The following PSD3 variants were observed in gnomAD, a reference collection of about 807,000 sequenced individuals.
PSD3 encodes the protein PH and SEC7 domain-containing protein 3.
In PSD3, 49 loss-of-function variants were observed where a neutral mutation model predicts 105.5. The ratio of observed to expected loss-of-function variants is 0.46; its 90% CI spans 0.37 to 0.59. The LOEUF is 0.59. Among genes scored for constraint, PSD3 ranks in the 20% least tolerant of loss-of-function variants. The probability of loss-of-function intolerance (pLI) is 0.00; values close to 1 mark genes in which losing one functional copy is unlikely to be tolerated. For missense variants in PSD3, 1,561 were observed against 1,263.8 expected (o/e 1.24, Z -3.57); for synonymous variants, 557 against 457.8 (o/e 1.22, Z -2.77).
chr8:19,020,524 T>A (rs1306076828), intron 1 of PSD3, among the ~76,000 whole-genome samples: 1 of 151,768 alleles, frequency 6.6e-6, no homozygotes, highest in Non-Finnish European at 1.5e-5. Flanking sequence ...ACCTTATAGG[T>A]TGTTGTAAAG....
intron 9 of PSD3, among the ~76,000 whole-genome samples, chr8:18,722,988 A>T (rs1040971319): frequency 3.3e-5 from 5 of 152,236 alleles, no homozygotes; most frequent in African/African-American, 1.2e-4. Context: ...AACCATTAAG[A>T]TGAAGAACAT....
At chr8:18,564,862 A>C (rs542733464) in intron 14 of PSD3, among the ~76,000 whole-genome samples, 4 of 152,276 alleles carry the variant, frequency 2.6e-5, no homozygotes, top group East Asian at 3.9e-4. Flanking sequence ...GTGAGAATCA[A>C]GCATAGGACT....
In PSD3 at chr8:18,853,623, G is replaced by C. The variant is rs151250155; in HGVS notation, c.1634+14051C>G. Among the ~76,000 whole-genome samples, 335 of 152,248 alleles carry C rather than the reference G, an allele frequency of 2.2e-3. 1 individual carries two copies. The highest frequency in any genetic ancestry group is 3.7e-3 in the Non-Finnish European group (251 of 68,010). On this transcript the variant is annotated intron_variant, in intron 4 of 15. Coordinates refer to ENST00000327040, the MANE Select transcript of PSD3 (RefSeq NM_015310.4). ...TCAGTAAAACGTTGAATTCTAAGGT[G>C]AATCACCTTTCCATACTAACAGCAC...
At chr8:18,595,478 G>A (rs1419027604) in intron 12 of PSD3, among the ~76,000 whole-genome samples, 1 of 145,146 alleles carries the variant, frequency 6.9e-6, no homozygotes, top group East Asian at 2.0e-4. Context: ...CAGACGGAGG[G>A]AGGGACAGAT....
chr8:18,725,003 G>A (rs1338595633), intron 9 of PSD3, among the ~76,000 whole-genome samples: 2 of 152,162 alleles, frequency 1.3e-5, no homozygotes, highest in African/African-American at 2.4e-5. Context: ...AAGACAAAGT[G>A]AACAGAATTC....
intron 1 of PSD3, among the ~76,000 whole-genome samples, chr8:19,011,655 T>C (rs997286005): frequency 1.3e-5 from 2 of 152,162 alleles, no homozygotes; most frequent in African/African-American, 4.8e-5. Flanking sequence ...TTAAGTGCAA[T>C]GTACATAATA....
chr8:18,937,809 C>T (rs1438213476), intron 1 of PSD3, among the ~76,000 whole-genome samples: 4 of 152,104 alleles, frequency 2.6e-5, no homozygotes, highest in Non-Finnish European at 4.4e-5. Flanking sequence ...CGTAAGGTGC[C>T]CTAATTTGGG....
chr8:18,563,761 G>T (rs933285658), intron 14 of PSD3, among the ~76,000 whole-genome samples: 1 of 152,090 alleles, frequency 6.6e-6, no homozygotes. Context: ...AACAATTAAG[G>T]CCACATCAAA....
chr8:18,731,454 C>T (rs538400301), intron 9 of PSD3, among the ~76,000 whole-genome samples: 8 of 152,158 alleles, frequency 5.3e-5, no homozygotes, highest in African/African-American at 1.9e-4. Context: ...CCTCTTTTAT[C>T]TATTTGATAC....
At chr8:18,891,681 T>A (rs989212622) in intron 2 of PSD3, among the ~76,000 whole-genome samples, 2 of 152,112 alleles carry the variant, frequency 1.3e-5, no homozygotes, top group Non-Finnish European at 2.9e-5. Flanking sequence ...TTTCTCCCTC[T>A]TTTTACCCTG....
At chr8:18,585,228 G>A (rs1246392406) in intron 12 of PSD3, among the ~76,000 whole-genome samples, 2 of 152,190 alleles carry the variant, frequency 1.3e-5, no homozygotes, top group African/African-American at 4.8e-5. Context: ...GGATGGTTGA[G>A]AAGGCCTAAC....
At chr8:19,036,749 T>C (rs935669107) in intron 1 of PSD3, among the ~76,000 whole-genome samples, 6 of 152,284 alleles carry the variant, frequency 3.9e-5, no homozygotes, top group African/African-American at 1.4e-4. Context: ...TGTAATGAAT[T>C]AAATGGACTA....
chr8:18,652,763 G>A (rs963829914), intron 10 of PSD3, among the ~76,000 whole-genome samples: 5 of 152,092 alleles, frequency 3.3e-5, no homozygotes, highest in African/African-American at 4.8e-5. Context: ...CTCCCAAAGT[G>A]TTGGGATTAC....
chr8:18,776,118 T>C (rs1808045952), intron 8 of PSD3, among the ~76,000 whole-genome samples: 1 of 151,974 alleles, frequency 6.6e-6, no homozygotes, highest in South Asian at 2.1e-4. Flanking sequence ...TTCCTCAAAG[T>C]ATGTTCTTGG....
At chr8:18,575,035 A>T (rs1802386317) in intron 13 of PSD3, 93 bp downstream of exon 13, 24 of 1,342,296 alleles carry the variant, frequency 1.8e-5, no homozygotes, top group Non-Finnish European at 2.4e-5. Flanking sequence ...CAACTCAAAA[A>T]ATTTCCCCTG....
At chr8:18,770,839 C>T (rs114589187) in intron 8 of PSD3, among the ~76,000 whole-genome samples, 2 of 152,204 alleles carry the variant, frequency 1.3e-5, no homozygotes, top group Non-Finnish European at 2.9e-5. Flanking sequence ...CCTTTTGCAA[C>T]CACACTTGGG....
intron 2 of PSD3, among the ~76,000 whole-genome samples, chr8:18,915,602 T>C (rs976217295): frequency 2.6e-5 from 4 of 152,130 alleles, no homozygotes; most frequent in African/African-American, 9.7e-5. Context: ...GACATACAAA[T>C]GGCCAACAGA....
chr8:18,918,604 C>T (rs6999221), intron 2 of PSD3, among the ~76,000 whole-genome samples: 52,851 of 152,050 alleles, frequency 0.35, 9,368 homozygotes, highest in Admixed American at 0.45. Context: ...ACTTGACATA[C>T]TAATAAACAA....
intron 12 of PSD3, among the ~76,000 whole-genome samples, chr8:18,580,659 G>A (rs1252995212): frequency 1.3e-5 from 2 of 152,126 alleles, no homozygotes; most frequent in African/African-American, 4.8e-5. Flanking sequence ...GAATAAAGAT[G>A]ATTCTGCACC....
Sources: allele counts gnomAD v4.1 joint callset (sites outside exome capture counted in the v4.1 genomes callset), GRCh38; gene constraint gnomAD v4.1.1; transcripts MANE v1.5; gene names NCBI Gene and HGNC (gene_info 2026-07-23, HGNC 2026-07-21).